The following DLG2 variants were observed in gnomAD, a reference collection of about 807,000 sequenced individuals.
The protein encoded by DLG2 is disks large homolog 2.
DLG2 carries 45 observed loss-of-function variants against 132.5 expected under a neutral mutation model. The ratio of observed to expected loss-of-function variants is 0.34; its 90% CI spans 0.27 to 0.44. The LOEUF (loss-of-function observed/expected upper bound fraction) is 0.44, where lower values mean the gene tolerates loss of function less well. Among genes scored for constraint, DLG2 ranks in the 20% least tolerant of loss-of-function variants. The pLI is 1.00. For synonymous variants in DLG2, 424 were observed against 419.6 expected, an observed-to-expected ratio of 1.01 and a Z score of -0.13; for missense variants, 1,045 against 1,196.9, an observed-to-expected ratio of 0.87 and a Z score of 1.87.
chr11:84,955,489 C>T (rs1055143441), intron 6 of DLG2: 8 of 152,050 alleles, frequency 5.3e-5, no homozygotes, highest in East Asian at 1.9e-4. Flanking sequence ...ATAAATTAAC[C>T]GTTCCAAGCA....
intron 7 of DLG2, among the ~76,000 whole-genome samples, chr11:84,423,887 T>C (rs2098958473): frequency 6.6e-6 from 1 of 152,196 alleles, no homozygotes; most frequent in Non-Finnish European, 1.5e-5. Context: ...TCTTCTGCTA[T>C]TTGAATGTAC....
chr11:83,610,807 T>A (rs2060005741), intron 19 of DLG2, among the ~76,000 whole-genome samples: 1 of 152,216 alleles, frequency 6.6e-6, no homozygotes, highest in African/African-American at 2.4e-5. Flanking sequence ...AGGTTGGTAC[T>A]CTTGTTATCC....
intron 11 of DLG2, 40 bp downstream of exon 11, chr11:84,059,275 T>C: frequency 6.3e-7 from 1 of 1,598,018 alleles, no homozygotes; most frequent in Non-Finnish European, 8.6e-7. Context: ...AGTCAGATGG[T>C]TTGTCACTAG....
chr11:85,124,985 C>G (rs1366913892), intron 5 of DLG2, among the ~76,000 whole-genome samples: 1 of 152,124 alleles, frequency 6.6e-6, no homozygotes, highest in East Asian at 1.9e-4. Context: ...CATCCGCCAC[C>G]ATGCCAGGCT....
chr11:84,263,758 T>C (rs1214733368), intron 7 of DLG2, among the ~76,000 whole-genome samples: 2 of 152,180 alleles, frequency 1.3e-5, no homozygotes, highest in East Asian at 3.8e-4. Flanking sequence ...CAGAAAGTCT[T>C]AAAATATTTT....
intron 7 of DLG2, among the ~76,000 whole-genome samples, chr11:84,313,685 GAAAA>G (rs60268563): frequency 6.9e-6 from 1 of 145,364 alleles, no homozygotes; most frequent in African/African-American, 2.5e-5. Flanking sequence ...AAGAAAGAAA[GAAAA>G]AGAAAGAGGA....
At chr11:84,630,069 CCTCTTGCCTTGGTCTACCTAAGAAG>C (rs2099628919) in intron 6 of DLG2, among the ~76,000 whole-genome samples, 1 of 152,108 alleles carries the variant, frequency 6.6e-6, no homozygotes, top group African/African-American at 2.4e-5. Context: ...GCTTTACCTG[CCTCTTGCCTTGGTCTACCTAAGAAG>C]GATTTCAGGC....
At chr11:85,455,238 C>G (rs748416975) in intron 3 of DLG2, among the ~76,000 whole-genome samples, 12 of 152,116 alleles carry the variant, frequency 7.9e-5, no homozygotes, top group South Asian at 2.1e-4. Flanking sequence ...AGATTTTACA[C>G]CTCCCTAGTT....
chr11:83,969,698 C>T (rs2090954987), intron 12 of DLG2, among the ~76,000 whole-genome samples: 2 of 152,070 alleles, frequency 1.3e-5, no homozygotes, highest in African/African-American at 4.8e-5. Flanking sequence ...CTCAGCCTCC[C>T]GAGTAGCTGG....
intron 21 of DLG2, among the ~76,000 whole-genome samples, chr11:83,515,011 A>G (rs560345467): frequency 2.6e-5 from 4 of 151,966 alleles, no homozygotes; most frequent in South Asian, 4.2e-4. Context: ...GTCTCTGCCC[A>G]GCTTTGGTAT....
At chr11:84,792,743 A>T (rs1008083163) in intron 6 of DLG2, among the ~76,000 whole-genome samples, 5 of 152,014 alleles carry the variant, frequency 3.3e-5, no homozygotes, top group African/African-American at 1.2e-4. Flanking sequence ...TGATCTTTTG[A>T]ATTTTGGCAA....
intron 3 of DLG2, among the ~76,000 whole-genome samples, chr11:85,442,589 C>T (rs1302421593): frequency 2.0e-5 from 3 of 152,046 alleles, no homozygotes; most frequent in Non-Finnish European, 2.9e-5. Context: ...GGGTCAGGTA[C>T]AATGGCTCGT....
At chr11:83,565,417 A>G (rs1452839086) in intron 19 of DLG2, among the ~76,000 whole-genome samples, 1 of 152,210 alleles carries the variant, frequency 6.6e-6, no homozygotes, top group Non-Finnish European at 1.5e-5. Context: ...GGATAATATA[A>G]CAGTATCTTT....
At chr11:85,160,778 G>C (rs2077969641) in intron 4 of DLG2, among the ~76,000 whole-genome samples, 1 of 152,132 alleles carries the variant, frequency 6.6e-6, no homozygotes, top group African/African-American at 2.4e-5. Flanking sequence ...CCTATGATCA[G>C]TTGACAGAGG....
chr11:85,341,577 G>A (rs1467086701), intron 3 of DLG2, among the ~76,000 whole-genome samples: 1 of 152,126 alleles, frequency 6.6e-6, no homozygotes, highest in Non-Finnish European at 1.5e-5. Flanking sequence ...GTTGGCATCT[G>A]TACCTTAGTC....
intron 6 of DLG2, among the ~76,000 whole-genome samples, chr11:84,970,160 G>T (rs748530537): frequency 6.6e-6 from 1 of 151,856 alleles, no homozygotes; most frequent in Non-Finnish European, 1.5e-5. Context: ...AGAACTTACA[G>T]TATAATTTAA....
At chr11:85,262,822 TC>T (rs1475641489) in intron 4 of DLG2, among the ~76,000 whole-genome samples, 2 of 152,210 alleles carry the variant, frequency 1.3e-5, no homozygotes, top group Non-Finnish European at 2.9e-5. Flanking sequence ...CATCTGCATC[TC>T]ATTATGGAGC....
intron 6 of DLG2, among the ~76,000 whole-genome samples, chr11:84,821,134 T>C (rs1052905782): frequency 5.9e-5 from 9 of 152,038 alleles, no homozygotes; most frequent in African/African-American, 2.2e-4. Flanking sequence ...TTAATGATAA[T>C]CATTTTTCCA....
intron 9 of DLG2, among the ~76,000 whole-genome samples, chr11:84,114,429 T>C (rs970472148): frequency 6.6e-6 from 1 of 152,176 alleles, no homozygotes; most frequent in African/African-American, 2.4e-5. Flanking sequence ...CACCCTTGAC[T>C]ATCATCCATT....
Sources: allele counts gnomAD v4.1 joint callset (sites outside exome capture counted in the v4.1 genomes callset), GRCh38; gene constraint gnomAD v4.1.1; transcripts MANE v1.5; gene names NCBI Gene and HGNC (gene_info 2026-07-23, HGNC 2026-07-21).